The following LRRC4C variants were observed in gnomAD, a reference collection of about 807,000 sequenced individuals.
LRRC4C encodes the protein leucine-rich repeat-containing protein 4C.
LRRC4C carries 5 observed loss-of-function variants against 33.6 expected under a neutral mutation model. The ratio of observed to expected loss-of-function variants is 0.15; its 90% confidence interval spans 0.08 to 0.31. The LOEUF (loss-of-function observed/expected upper bound fraction) is 0.31. LRRC4C is among the 10% of genes least tolerant of loss of function. The pLI is 1.00. For synonymous variants in LRRC4C, 329 were observed against 302.0 expected, an observed-to-expected ratio of 1.09 and a Z score of -0.93; for missense variants, 560 against 796.7, an observed-to-expected ratio of 0.70 and a Z score of 3.58.
At chr11:40,696,431 T>TAG (rs1428139295) in intron 2 of LRRC4C, among the ~76,000 whole-genome samples, 2 of 148,672 alleles carry the variant, frequency 1.3e-5, no homozygotes, top group African/African-American at 4.9e-5. Context: ...CTGGAGGTTA[T>TAG]ATATATACAT....
chr11:41,183,671 G>GTGGA (rs1309183281), intron 1 of LRRC4C, among the ~76,000 whole-genome samples: 1 of 152,218 alleles, frequency 6.6e-6, no homozygotes, highest in African/African-American at 2.4e-5. Context: ...CAAGCTGTCA[G>GTGGA]TGGATCTACC....
intron 5 of LRRC4C, among the ~76,000 whole-genome samples, chr11:40,237,149 A>T (rs1324840325): frequency 6.6e-6 from 1 of 152,254 alleles, no homozygotes. Flanking sequence ...GGTCATAGTC[A>T]CATAAAAATA....
chr11:41,206,434 A>G (rs1442213279), intron 1 of LRRC4C, among the ~76,000 whole-genome samples: 1 of 152,120 alleles, frequency 6.6e-6, no homozygotes, highest in Non-Finnish European at 1.5e-5. Context: ...GACCTACAAA[A>G]AGCCTCCTTC....
At chr11:40,863,882 A>G (rs1052214716) in intron 2 of LRRC4C, among the ~76,000 whole-genome samples, 1 of 152,134 alleles carries the variant, frequency 6.6e-6, no homozygotes, top group Non-Finnish European at 1.5e-5. Flanking sequence ...TGTCACCTGT[A>G]AAGAAAATAT....
chr11:40,747,781 C>G (rs1206164766), intron 2 of LRRC4C, among the ~76,000 whole-genome samples: 1 of 151,940 alleles, frequency 6.6e-6, no homozygotes, highest in African/African-American at 2.4e-5. Flanking sequence ...AAATACATGA[C>G]AAAGCTTCAA....
At position 41,009,823 on chromosome 11, in the gene LRRC4C, T is replaced by G. The variant is rs984535145; in HGVS notation, c.-495-76100A>C. On this transcript the variant is annotated intron_variant, in intron 1 of 6. Coordinates refer to ENST00000528697, the MANE Select transcript of LRRC4C (RefSeq NM_001258419.2). ...TTGAATTGTGTTCCCCCAAAAAAGA[T>G]ATGTTGAAGTAGTCCTAATCCCCAG... Among the ~76,000 whole-genome samples the G allele has an allele frequency of 1.4e-3, 220 of 152,278 alleles. 4 individuals are homozygous for G. Among genetic ancestry groups the G allele is most frequent in the Non-Finnish European group, 7.4e-5 (5 of 68,010 alleles).
chr11:40,861,012 T>C (rs1954069838), intron 2 of LRRC4C, among the ~76,000 whole-genome samples: 1 of 152,114 alleles, frequency 6.6e-6, no homozygotes, highest in East Asian at 1.9e-4. Context: ...AATTAAAGAA[T>C]GGAACATGTC....
Position 40,814,874 on chromosome 11 carries a change from A to G in LRRC4C, c.-407+118761T>C, listed in dbSNP as rs1014304793. Among the ~76,000 whole-genome samples, 17 of 152,220 alleles carry G rather than the reference A, an allele frequency of 1.1e-4. No individual in the cohort carries two copies. In the South Asian group the frequency reaches 1.2e-3, roughly 11 times the overall value. ...CACTTCAACCTGTACTTCATTGTCT[A>G]TAATACTATCAGCACTTTGGTCAAA... On this transcript the variant is annotated intron_variant, in intron 2 of 6. Coordinates refer to ENST00000528697, the MANE Select transcript of LRRC4C (RefSeq NM_001258419.2).
intron 2 of LRRC4C, among the ~76,000 whole-genome samples, chr11:40,793,504 A>T (rs922445130): frequency 1.3e-5 from 2 of 152,224 alleles, no homozygotes; most frequent in African/African-American, 4.8e-5. Flanking sequence ...AACCAGTCAG[A>T]ATTTGAAAAG....
intron 3 of LRRC4C, among the ~76,000 whole-genome samples, chr11:40,389,915 G>A (rs1011857464): frequency 6.6e-6 from 1 of 152,164 alleles, no homozygotes; most frequent in African/African-American, 2.4e-5. Flanking sequence ...GGTCTTCTTA[G>A]TACCAAGAAT....
At chr11:41,276,016 G>A (rs577302695) in intron 1 of LRRC4C, among the ~76,000 whole-genome samples, 2 of 152,252 alleles carry the variant, frequency 1.3e-5, no homozygotes, top group African/African-American at 4.8e-5. Flanking sequence ...TTGACAAGAT[G>A]TTATTTTTAA....
chr11:41,286,500 G>A (rs893405171), intron 1 of LRRC4C, among the ~76,000 whole-genome samples: 5 of 152,112 alleles, frequency 3.3e-5, no homozygotes, highest in African/African-American at 9.6e-5. Context: ...GGACTCACTG[G>A]GCTATATTTT....
At chr11:41,344,988 CT>C (rs886736329) in intron 1 of LRRC4C, among the ~76,000 whole-genome samples, 10 of 151,548 alleles carry the variant, frequency 6.6e-5, no homozygotes, top group African/African-American at 2.2e-4. Flanking sequence ...TTTTTTTCCC[CT>C]GTTTCCTGGG....
At chr11:40,619,439 C>A (rs1447843349) in intron 3 of LRRC4C, among the ~76,000 whole-genome samples, 1 of 151,590 alleles carries the variant, frequency 6.6e-6, no homozygotes, top group African/African-American at 2.4e-5. Context: ...TATGTATCCA[C>A]AAAAACTAAA....
chr11:40,832,244 A>G (rs988293616), intron 2 of LRRC4C, among the ~76,000 whole-genome samples: 1 of 152,124 alleles, frequency 6.6e-6, no homozygotes. Context: ...ATACAGTAAA[A>G]ATACCCTAAT....
chr11:40,437,981 T>C (rs1468195825), intron 3 of LRRC4C, among the ~76,000 whole-genome samples: 6 of 152,238 alleles, frequency 3.9e-5, no homozygotes. Flanking sequence ...ATTACAGACT[T>C]GAGCCACCAT....
chr11:40,252,333 T>A (rs376170133), intron 4 of LRRC4C, among the ~76,000 whole-genome samples: 1 of 151,822 alleles, frequency 6.6e-6, no homozygotes, highest in African/African-American at 2.4e-5. Flanking sequence ...AACACATATA[T>A]GTATATACAT....
chr11:40,726,890 TA>T (rs57366423), intron 2 of LRRC4C, among the ~76,000 whole-genome samples: 5,199 of 152,294 alleles, frequency 0.034, 114 homozygotes, highest in Middle Eastern at 0.041. Context: ...CTCGGCCTGA[TA>T]AATAACTTAG....
At chr11:40,232,299 C>T (rs1272094380) in intron 5 of LRRC4C, among the ~76,000 whole-genome samples, 7 of 152,142 alleles carry the variant, frequency 4.6e-5, no homozygotes, top group Admixed American at 4.6e-4. Flanking sequence ...AGCCACCATG[C>T]CTGGCCAAAG....
Sources: allele counts gnomAD v4.1 joint callset (sites outside exome capture counted in the v4.1 genomes callset), GRCh38; gene constraint gnomAD v4.1.1; transcripts MANE v1.5; gene names NCBI Gene and HGNC (gene_info 2026-07-23, HGNC 2026-07-21).